The following TSPAN7 variants were observed in gnomAD, a reference collection of about 807,000 sequenced individuals.
TSPAN7 encodes tetraspanin 7.
In TSPAN7, 1 loss-of-function variant was observed where a neutral mutation model predicts 17.6. The observed-to-expected ratio is 0.06, with a 90% CI of 0.02 to 0.27. The LOEUF is 0.27. TSPAN7 is among the 10% of genes least tolerant of loss of function. The probability of loss-of-function intolerance (pLI) is 1.00; values close to 1 mark genes in which losing one functional copy is unlikely to be tolerated. For missense variants in TSPAN7, 112 were observed against 201.7 expected, an observed-to-expected ratio of 0.56 and a Z score of 2.69; for synonymous variants, 78 against 79.0, an observed-to-expected ratio of 0.99 and a Z score of 0.07.
intron 1 of TSPAN7, among the ~76,000 whole-genome samples, chrX:38,619,334 G>A (rs903238171): frequency 1.8e-5 from 2 of 111,546 alleles, no homozygotes; most frequent in African/African-American, 6.5e-5. Context: ...TCCTAAAAGA[G>A]CACAGCAAGT....
At chrX:38,661,369 T>C (rs1210399097) in intron 1 of TSPAN7, among the ~76,000 whole-genome samples, 1 of 112,786 alleles carries the variant, frequency 8.9e-6, no homozygotes, top group African/African-American at 3.2e-5. Flanking sequence ...CTAACTTTTC[T>C]GATGCCATGA....
At chrX:38,652,221 T>C (rs947928271) in intron 1 of TSPAN7, among the ~76,000 whole-genome samples, 9 of 112,005 alleles carry the variant, frequency 8.0e-5, no homozygotes, top group Non-Finnish European at 1.3e-4. Flanking sequence ...TATTCATCCA[T>C]GTATGAAAAT....
intron 5 of TSPAN7, 94 bp from the exon 6 acceptor site, chrX:38,681,110 G>C: frequency 1.5e-6 from 1 of 668,680 alleles, no homozygotes; most frequent in Non-Finnish European, 2.5e-6. Context: ...GCTGAATTAA[G>C]GTTGAAGTGT....
intron 1 of TSPAN7, among the ~76,000 whole-genome samples, chrX:38,609,630 G>A (rs1054465412): frequency 9.3e-6 from 1 of 107,109 alleles, no homozygotes; most frequent in African/African-American, 3.4e-5. Flanking sequence ...ATGTGTGTGT[G>A]TATATATATA....
intron 1 of TSPAN7, among the ~76,000 whole-genome samples, chrX:38,622,696 C>G (rs770431006): frequency 6.2e-5 from 7 of 112,338 alleles, no homozygotes; most frequent in Non-Finnish European, 1.1e-4. Flanking sequence ...GGCAGTTTAC[C>G]TTCAGTAGAA....
At chrX:38,604,520 C>A (rs1171126698) in intron 1 of TSPAN7, among the ~76,000 whole-genome samples, 2 of 111,201 alleles carry the variant, frequency 1.8e-5, no homozygotes, top group Non-Finnish European at 1.9e-5. Context: ...TTCTCCACAT[C>A]CTCTCTAGCA....
intron 3 of TSPAN7, 114 bp downstream of exon 3, chrX:38,671,564 T>G (rs1036614659): frequency 3.5e-5 from 26 of 749,426 alleles, no homozygotes; most frequent in East Asian, 6.4e-5. Flanking sequence ...CTCAGTGGTG[T>G]TGTTGTTTTC....
chrX:38,608,679 C>T (rs1392634095), intron 1 of TSPAN7, among the ~76,000 whole-genome samples: 1 of 111,163 alleles, frequency 9.0e-6, no homozygotes, highest in Non-Finnish European at 1.9e-5. Flanking sequence ...GCCAGCCATA[C>T]ATAATTGAAT....
intron 1 of TSPAN7, chrX:38,656,271 G>A (rs113946367): frequency 7.0e-6 from 1 of 142,415 alleles, no homozygotes; most frequent in East Asian, 1.7e-4. Flanking sequence ...CAGAACAAAT[G>A]TGTAGTCAGT....
At chrX:38,600,920 T>C (rs1056718950) in intron 1 of TSPAN7, among the ~76,000 whole-genome samples, 4 of 111,648 alleles carry the variant, frequency 3.6e-5, no homozygotes, top group African/African-American at 6.5e-5. Flanking sequence ...ATAGGCTAAT[T>C]TGTCTGTTTA....
At chrX:38,620,293 G>A (rs1356687136) in intron 1 of TSPAN7, among the ~76,000 whole-genome samples, 2 of 111,733 alleles carry the variant, frequency 1.8e-5, no homozygotes, top group African/African-American at 6.5e-5. Context: ...TAAAGAATTC[G>A]CCTCCTCATG....
At chrX:38,643,568 G>A (rs953234088) in intron 1 of TSPAN7, among the ~76,000 whole-genome samples, 5 of 108,675 alleles carry the variant, frequency 4.6e-5, no homozygotes, top group Admixed American at 3.0e-4. Context: ...CGGGCACGGT[G>A]GCTCATGCCT....
intron 1 of TSPAN7, among the ~76,000 whole-genome samples, chrX:38,579,761 T>A (rs6520514): frequency 0.28 from 30,617 of 110,133 alleles, 5,158 homozygotes; most frequent in African/African-American, 0.63. Flanking sequence ...CTAACTAAAT[T>A]GTGTATCTAC....
chrX:38,575,481 T>C (rs756357199), intron 1 of TSPAN7, among the ~76,000 whole-genome samples: 1 of 112,017 alleles, frequency 8.9e-6, no homozygotes, highest in Admixed American at 9.5e-5. Context: ...GTGAATATGA[T>C]TTAATAAATG....
chrX:38,563,057 GATTT>G lies in TSPAN7; in HGVS notation c.81+1434_81+1437del, dbSNP rs1569300209. 6.2e-6 allele frequency: 6 copies of G among 971,300 alleles called. No homozygotes were observed. The Admixed American group carries it at 1.8e-4, about 29-fold the overall frequency. The allele number at this position is 971,300 out of a possible 1,213,427, so 80.0% of individuals were successfully genotyped here. A position where few individuals can be genotyped will look rare whatever the true frequency, so the allele number is the denominator to read the frequency against. On this transcript the variant is annotated intron_variant, in intron 1 of 7. Transcript: ENST00000378482. ...TTGCAATGGTCAAGGAAGAAGCAGA[GATTT>G]ATTGAGGATCAAAAATATTCCTAAT...
At chrX:38,604,802 C>CA (rs1442423055) in intron 1 of TSPAN7, among the ~76,000 whole-genome samples, 1 of 110,664 alleles carries the variant, frequency 9.0e-6, no homozygotes, top group Non-Finnish European at 1.9e-5. Flanking sequence ...GAACCAAAGA[C>CA]AAAAACCACA....
intron 1 of TSPAN7, among the ~76,000 whole-genome samples, chrX:38,599,351 C>T (rs2069333648): frequency 9.0e-6 from 1 of 110,988 alleles, no homozygotes; most frequent in Non-Finnish European, 1.9e-5. Context: ...ATCTAATTCT[C>T]TTCACCCAAG....
chrX:38,634,787 T>C (rs990316214), intron 1 of TSPAN7, among the ~76,000 whole-genome samples: 3 of 111,307 alleles, frequency 2.7e-5, no homozygotes, highest in Non-Finnish European at 3.8e-5. Context: ...AAAACTTCTT[T>C]CCAGCCTCTC....
intron 1 of TSPAN7, among the ~76,000 whole-genome samples, chrX:38,599,570 G>GA (rs1279921722): frequency 9.0e-6 from 1 of 111,312 alleles, no homozygotes; most frequent in Non-Finnish European, 1.9e-5. Flanking sequence ...AAAATAATGG[G>GA]AAAATCACAC....
Sources: allele counts gnomAD v4.1 joint callset (sites outside exome capture counted in the v4.1 genomes callset), GRCh38; gene constraint gnomAD v4.1.1; transcripts MANE v1.5; gene names NCBI Gene and HGNC (gene_info 2026-07-23, HGNC 2026-07-21).